Variants in ZDHHC6 observed in about 807,000 individuals in gnomAD.
ZDHHC6 encodes palmitoyltransferase ZDHHC6.
In ZDHHC6, 32 loss-of-function variants were observed where a neutral mutation model predicts 57.8. That is an observed-to-expected ratio of 0.55 (90% CI 0.42 to 0.74). The LOEUF is 0.74. Ranked by LOEUF, ZDHHC6 falls within the 30% of genes least tolerant of loss-of-function variation. ZDHHC6 has a pLI of 0.00. For missense variants in ZDHHC6, 433 were observed against 500.7 expected, an observed-to-expected ratio of 0.86 and a Z score of 1.29; for synonymous variants, 128 against 158.0, an observed-to-expected ratio of 0.81 and a Z score of 1.42.
downstream of ZDHHC6, among the ~76,000 whole-genome samples, chr10:112,425,757 G>A (rs1450821140): frequency 6.6e-6 from 1 of 152,112 alleles, no homozygotes; most frequent in African/African-American, 2.4e-5. Context: ...GCTCCACATT[G>A]CACTTAGTTC....
At position 112,432,518 on chromosome 10, in the gene ZDHHC6, G is replaced by C; in HGVS notation, c.949C>G (p.Arg317Gly). 6.2e-7 allele frequency: 1 copy of C among 1,612,640 alleles called. No homozygotes were observed. The change falls in exon 9 of 11, where the codon CGC (arginine) becomes GGC (glycine). Residue 317 changes from arginine to glycine, a missense_variant. By Grantham distance (125) the Arg-to-Gly change is moderately radical. Transcript: ENST00000369405. ...CTATAATCTTCTATTACTTTATAGC[G>C]AACCTGTCGTCAGTGATCAGAAGAA... ...QKADKRVRSV[R>G]YKVIEDYSGA...
In ZDHHC6 at chr10:112,433,232, GTACT is replaced by G. The variant is rs1324861775; in HGVS notation, c.945+4_945+7del. 3 of 1,580,760 alleles carry G rather than the reference GTACT, an allele frequency of 1.9e-6. No homozygotes were observed. The highest frequency in any genetic ancestry group is 2.6e-6 in the Non-Finnish European group (3 of 1,167,302). On this transcript the variant is annotated splice_donor_5th_base_variant and intron_variant, in intron 8 of 10. Transcript: ENST00000369405. ...AAAAAAAATTACCACTGCAAAAGAAGTACTTACACTTCTGACTCTCTTATCTGCT... is the reference window on the plus strand; with the variant it reads ...AAAAAAAATTACCACTGCAAAAGAAGTACACTTCTGACTCTCTTATCTGCT...
chr10:112,447,032 C>G (rs1846839903), upstream of ZDHHC6: 1 of 280,572 alleles, frequency 3.6e-6, no homozygotes, highest in Non-Finnish European at 7.0e-6. Context: ...GAGCCGATTC[C>G]CAGAACACGA....
At position 112,445,380 on chromosome 10, in the gene ZDHHC6, C is replaced by T; in HGVS notation, c.57G>A (p.Leu19=). ...GGGCTATGATGGGACCCCAGTGACA[C>T]AGTCTCTTTAATTCTTGTAGATTTT... The part of the protein sequence containing the change: ...KFENLQELKR[L]CHWGPIIALG... The change falls in exon 2 of 11, where the codon CTG becomes CTA. Residue 19 remains leucine (L), a synonymous_variant. Transcript: ENST00000369405. 1 of 1,614,218 alleles carries T rather than the reference C, an allele frequency of 6.2e-7. No homozygotes were observed. Among genetic ancestry groups the T allele is most frequent in the Non-Finnish European group, 8.5e-7 (1 of 1,180,036 alleles).
Position 112,445,271 on chromosome 10 carries a change from C to A in ZDHHC6, c.166G>T (p.Val56Leu), listed in dbSNP as rs774282240. Residue 56 changes from valine (V) to leucine (L), a missense_variant, in exon 2 of 11, where the codon GTG (valine) becomes TTG (leucine). Physicochemically the swap from Val to Leu is conservative, Grantham distance 32. Coordinates refer to ENST00000369405, the MANE Select transcript of ZDHHC6 (RefSeq NM_022494.3). The stretch of plus-strand genomic sequence containing the variant: ...CAATTTATCAACATGATGAAATTCA[C>A]ACTTCCTCCAGTTGTATGTAAGGGC... Reference protein sequence around the residue: ...YWPLHTTGGSVNFIMLINWTV... With the variant: ...YWPLHTTGGSLNFIMLINWTV... 24 of 1,614,066 alleles carry A rather than the reference C, an allele frequency of 1.5e-5. No individual in the cohort carries two copies. The East Asian group carries it at 3.8e-4, about 25-fold the overall frequency.
downstream of ZDHHC6, among the ~76,000 whole-genome samples, chr10:112,429,366 G>A (rs2133717190): frequency 6.6e-6 from 1 of 152,218 alleles, no homozygotes; most frequent in East Asian, 1.9e-4. Context: ...TCTCTAAAAT[G>A]CAAATATCCC....
intron 2 of ZDHHC6, 65 bp from the exon 3 acceptor site, chr10:112,443,671 G>A (rs1482942681): frequency 4.5e-6 from 6 of 1,329,230 alleles, no homozygotes; most frequent in Non-Finnish European, 6.4e-6. Flanking sequence ...GATTCCTACG[G>A]TATGATTTTC....
chr10:112,431,147 A>C (rs1844986135), intron 10 of ZDHHC6, among the ~76,000 whole-genome samples: 1 of 152,180 alleles, frequency 6.6e-6, no homozygotes, highest in Admixed American at 6.5e-5. Context: ...AATGTGGTTA[A>C]AGACAGCTCC....
rs1263712058 is a variant in ZDHHC6 at position 112,446,740 on chromosome 10, C to G, written c.-250G>C. On this transcript the variant is annotated 5_prime_UTR_variant, in exon 1 of 11. Transcript: ENST00000369405. ...TCCCTGGTGTCTGCTCCTCAGCCAT[C>G]GCATATCCGGGGCGGCCTGGGCTCA... 6.2e-6 allele frequency: 1 copy of G among 161,278 alleles called. No individual in the cohort carries two copies. Among genetic ancestry groups the G allele is most frequent in the Non-Finnish European group, 1.4e-5 (1 of 73,546 alleles). The allele number at this position is 161,278 out of a possible 1,614,324, so 10.0% of individuals were successfully genotyped here. A position where few individuals can be genotyped will look rare whatever the true frequency, so the allele number is the denominator to read the frequency against.
chr10:112,442,892 G>A (rs985093759), intron 3 of ZDHHC6, among the ~76,000 whole-genome samples: 105 of 61,872 alleles, frequency 1.7e-3, no homozygotes, highest in Admixed American at 5.6e-3. Flanking sequence ...AAGTCTTGCC[G>A]TGTACTGTTG....
chr10:112,434,262 C>G, intron 7 of ZDHHC6, 35 bp downstream of exon 7: 1 of 1,503,680 alleles, frequency 6.7e-7, no homozygotes, highest in Non-Finnish European at 8.9e-7. Context: ...GAAGGCGAGG[C>G]AAAAAGGAAG....
In ZDHHC6 at chr10:112,440,498, T is replaced by A. The variant is rs1001173364; in HGVS notation, c.681+36A>T. On this transcript the variant is annotated intron_variant, in intron 5 of 10. Transcript: ENST00000369405. ...TTCTTGTGCAATCAGTCCCAACAACTTGACACTTTTGACTTGAGGTAATTG... is the reference window on the plus strand; with the variant it reads ...TTCTTGTGCAATCAGTCCCAACAACATGACACTTTTGACTTGAGGTAATTG... 3.1e-6 allele frequency: 5 copies of A among 1,588,184 alleles called. No individual in the cohort carries two copies. The East Asian group carries it at 1.1e-4, about 36-fold the overall frequency.
intron 5 of ZDHHC6, among the ~76,000 whole-genome samples, chr10:112,439,676 A>T (rs1845923955): frequency 1.4e-5 from 2 of 143,972 alleles, no homozygotes; most frequent in South Asian, 4.5e-4. Flanking sequence ...AAAAGAATGA[A>T]AAAGAATGGT....
chr10:112,433,491 G>A (rs767947824), intron 7 of ZDHHC6: 8 of 436,652 alleles, frequency 1.8e-5, no homozygotes, highest in East Asian at 7.1e-5. Context: ...TTTTCTTCTC[G>A]CTATTCACTC....
intron 10 of ZDHHC6, among the ~76,000 whole-genome samples, 156 bp from the exon 11 acceptor site, chr10:112,431,063 A>C (rs1844976983): frequency 6.6e-6 from 1 of 152,204 alleles, no homozygotes; most frequent in Non-Finnish European, 1.5e-5. Flanking sequence ...AAGGGGAAAA[A>C]AATAAGATTT....
At position 112,430,825 on chromosome 10, in the gene ZDHHC6, C is replaced by T. The variant is rs763084145; in HGVS notation, c.1221G>A (p.Glu407=). 28 of 1,613,358 alleles carry T rather than the reference C, an allele frequency of 1.7e-5. 1 individual carries two copies. Among genetic ancestry groups the T allele is most frequent in the Non-Finnish European group, 2.1e-5 (25 of 1,179,642 alleles). ...PCDAETDQAP[E]GEKKNR Reference sequence around the variant, plus strand: ...GCAGCTATCTATTTTTCTTCTCCCCCTCTGGGGCTTGATCTGTTTCAGCAT... The same window carrying T: ...GCAGCTATCTATTTTTCTTCTCCCCTTCTGGGGCTTGATCTGTTTCAGCAT... Residue 407 remains glutamate, a synonymous_variant, in exon 11 of 11, where the codon GAG becomes GAA. Transcript: ENST00000369405.
chr10:112,447,249 C>G, upstream of ZDHHC6: 1 of 1,018,194 alleles, frequency 9.8e-7, no homozygotes, highest in Non-Finnish European at 1.4e-6. Context: ...GAGAGCTGTC[C>G]CCGGTTCTCC....
At chr10:112,440,094 C>A (rs1368922042) in intron 5 of ZDHHC6, among the ~76,000 whole-genome samples, 1 of 133,518 alleles carries the variant, frequency 7.5e-6, no homozygotes, top group East Asian at 2.4e-4. Context: ...TTTTGAGAAT[C>A]AATGAATTAA....
At chr10:112,426,689 C>T (rs1844733462), downstream of ZDHHC6, 2 of 1,042,948 alleles carry the variant, frequency 1.9e-6, no homozygotes, top group Admixed American at 1.8e-5. Flanking sequence ...TTCCTGCTTT[C>T]ATACTGCATG....
Sources: gnomAD v4.1 joint callset for allele counts (sites outside exome capture counted in the v4.1 genomes callset) on GRCh38, gnomAD v4.1.1 for gene constraint, MANE v1.5 for transcripts, NCBI Gene and HGNC (gene_info 2026-07-23, HGNC 2026-07-21) for gene names.